Variants in DDC observed in about 807,000 individuals in gnomAD.
The protein encoded by DDC is dopa decarboxylase.
In DDC, 43 loss-of-function variants were observed where a neutral mutation model predicts 60.0. The ratio of observed to expected loss-of-function variants is 0.72; its 90% confidence interval spans 0.56 to 0.92. The LOEUF (loss-of-function observed/expected upper bound fraction) is 0.92. Ranked by LOEUF, DDC falls within the 40% of genes least tolerant of loss-of-function variation. The pLI, the probability that DDC is intolerant of heterozygous loss-of-function variation, is 0.00. For missense variants in DDC, 573 were observed against 620.2 expected (o/e 0.92, Z 0.81); for synonymous variants, 232 against 234.6 (o/e 0.99, Z 0.10).
At chr7:50,487,899 G>T (rs2042919258) in intron 9 of DDC, among the ~76,000 whole-genome samples, 1 of 152,000 alleles carries the variant, frequency 6.6e-6, no homozygotes, top group Non-Finnish European at 1.5e-5. Context: ...TGGAATGAGG[G>T]TTATAAAGCC....
chr7:50,539,872 A>G, intron 3 of DDC, 43 bp downstream of exon 3: 1 of 1,499,634 alleles, frequency 6.7e-7, no homozygotes, highest in Non-Finnish European at 9.3e-7. Context: ...CCGGGATCCC[A>G]CCACAGCCAG....
chr7:50,477,312 A>G (rs752158406), intron 10 of DDC, among the ~76,000 whole-genome samples: 28 of 152,224 alleles, frequency 1.8e-4, no homozygotes, highest in Non-Finnish European at 3.5e-4. Flanking sequence ...CTATTAATAC[A>G]AGTGATCCTG....
At chr7:50,459,731 G>A (rs868293834) in intron 14 of DDC, 30 of 162,858 alleles carry the variant, frequency 1.8e-4, no homozygotes, top group South Asian at 6.8e-4. Context: ...CAACCACCCC[G>A]TCTGGGAAGT....
At chr7:50,518,686 A>G (rs2043806298) in intron 6 of DDC, among the ~76,000 whole-genome samples, 1 of 152,248 alleles carries the variant, frequency 6.6e-6, no homozygotes, top group Non-Finnish European at 1.5e-5. Flanking sequence ...GGCTAGCCAC[A>G]TGTAGGAGAA....
chr7:50,482,411 C>T (rs1254275882), intron 9 of DDC, among the ~76,000 whole-genome samples: 3 of 152,194 alleles, frequency 2.0e-5, no homozygotes, highest in Non-Finnish European at 4.4e-5. Context: ...TGCAACAATT[C>T]TGTAAACATT....
At chr7:50,549,735 G>C (rs1175383494) in intron 1 of DDC, among the ~76,000 whole-genome samples, 1 of 151,954 alleles carries the variant, frequency 6.6e-6, no homozygotes, top group African/African-American at 2.4e-5. Flanking sequence ...GGAAGAAGTT[G>C]ATTCCAATCC....
chr7:50,462,226 C>CAAAAAAAAGAAAAAAAAAAAA (rs2042290476), intron 14 of DDC, among the ~76,000 whole-genome samples: 1 of 75,382 alleles, frequency 1.3e-5, no homozygotes, highest in Non-Finnish European at 2.4e-5. Flanking sequence ...GACAAAAAGA[C>CAAAAAAAAGAAAAAAAAAAAA]AAAAAAAAAA....
chr7:50,492,636 G>T, intron 9 of DDC: 1 of 1,133,762 alleles, frequency 8.8e-7, no homozygotes, highest in Non-Finnish European at 1.1e-6. Context: ...AGACACCGCA[G>T]GCCTCTCTTG....
intron 6 of DDC, among the ~76,000 whole-genome samples, chr7:50,522,550 T>C (rs2043921428): frequency 6.6e-6 from 1 of 152,144 alleles, no homozygotes; most frequent in Admixed American, 6.6e-5. Flanking sequence ...GACAATATGG[T>C]ATTGGCAAAG....
At chr7:50,462,927 G>A (rs544376793) in intron 14 of DDC, among the ~76,000 whole-genome samples, 2 of 152,104 alleles carry the variant, frequency 1.3e-5, no homozygotes, top group East Asian at 1.9e-4. Context: ...ATGCCACCAC[G>A]CCCAGCTAAT....
In DDC at chr7:50,528,164, G is replaced by C. The variant is rs760646534; in HGVS notation, c.687C>G (p.Asp229Glu). Reference sequence around the variant, plus strand: ...AGAAAGGAATCAGGCCAGCCGCTTTGTCTCTCTCCAGGGCTTCCTGCAGGG... The same window carrying C: ...AGAAAGGAATCAGGCCAGCCGCTTTCTCTCTCTCCAGGGCTTCCTGCAGGG... ...ASALQEALER[D>E]KAAGLIPFFM... The change falls in exon 6 of 15, where the codon GAC (aspartate) becomes GAG (glutamate). Residue 229 changes from aspartate to glutamate, a missense_variant. Transcript: ENST00000444124. The C allele has an allele frequency of 3.7e-6, 6 of 1,613,418 alleles. No individual in the cohort carries two copies. Among genetic ancestry groups the C allele is most frequent in the Non-Finnish European group, 5.1e-6 (6 of 1,180,044 alleles).
At chr7:50,498,266 G>C (rs1721157611) in intron 8 of DDC, among the ~76,000 whole-genome samples, 1 of 152,240 alleles carries the variant, frequency 6.6e-6, no homozygotes, top group African/African-American at 2.4e-5. Flanking sequence ...GTCTAATGCA[G>C]AGGACTGTGC....
chr7:50,555,619 T>C (rs145851249), intron 1 of DDC, among the ~76,000 whole-genome samples: 53 of 152,328 alleles, frequency 3.5e-4, no homozygotes, highest in African/African-American at 1.2e-3. Flanking sequence ...CTTGTTTAAA[T>C]AGGCACTCTC....
intron 9 of DDC, among the ~76,000 whole-genome samples, chr7:50,488,913 CT>C (rs1321843498): frequency 3.3e-5 from 5 of 152,290 alleles, no homozygotes; most frequent in Admixed American, 2.6e-4. Context: ...GCTCCTTTAA[CT>C]TTTTCCCCTC....
chr7:50,489,004 C>CTTGT (rs149606812), intron 9 of DDC, among the ~76,000 whole-genome samples: 14,345 of 151,860 alleles, frequency 0.094, 1,030 homozygotes, highest in South Asian at 0.12. Context: ...TCTTTGTTTG[C>CTTGT]TTGTTTGTTT....
At chr7:50,561,464 C>T (rs2045343274) in intron 1 of DDC, among the ~76,000 whole-genome samples, 1 of 152,108 alleles carries the variant, frequency 6.6e-6, no homozygotes, top group African/African-American at 2.4e-5. Flanking sequence ...ACTATTAGGA[C>T]CCTGTGATAC....
intron 1 of DDC, among the ~76,000 whole-genome samples, chr7:50,554,817 C>T (rs996315831): frequency 6.6e-6 from 1 of 152,182 alleles, no homozygotes; most frequent in Non-Finnish European, 1.5e-5. Context: ...GCCCTTAGCA[C>T]ATGAGTTTTC....
chr7:50,471,150 G>T (rs191574308), intron 11 of DDC, among the ~76,000 whole-genome samples: 2,446 of 152,306 alleles, frequency 0.016, 26 homozygotes, highest in Non-Finnish European at 0.022. Flanking sequence ...CCAGCACTTT[G>T]GGAGGCCAAG....
chr7:50,464,015 G>A (rs11575538), intron 13 of DDC, among the ~76,000 whole-genome samples: 3,514 of 152,132 alleles, frequency 0.023, 62 homozygotes, highest in Non-Finnish European at 0.035. Flanking sequence ...CCAATGGGAA[G>A]CCCTTGCTGT....
Sources: allele counts gnomAD v4.1 joint callset (sites outside exome capture counted in the v4.1 genomes callset), GRCh38; gene constraint gnomAD v4.1.1; transcripts MANE v1.5; gene names NCBI Gene and HGNC (gene_info 2026-07-23, HGNC 2026-07-21).